FAM135B: variants seen among roughly 807,000 people sequenced by gnomAD.
The protein encoded by FAM135B is family with sequence similarity 135 member B.
In FAM135B, 43 loss-of-function variants were observed where a neutral mutation model predicts 127.7. That is an observed-to-expected ratio of 0.34 (90% CI 0.26 to 0.43). The LOEUF (loss-of-function observed/expected upper bound fraction) is 0.43, where lower values mean the gene tolerates loss of function less well. Among genes scored for constraint, FAM135B ranks in the 20% least tolerant of loss-of-function variants. The pLI is 1.00. For synonymous variants in FAM135B, 670 were observed against 665.1 expected, an observed-to-expected ratio of 1.01 and a Z score of -0.11; for missense variants, 1,558 against 1,725.6, an observed-to-expected ratio of 0.90 and a Z score of 1.72.
chr8:138,375,143 A>C (rs1831383695), intron 1 of FAM135B, among the ~76,000 whole-genome samples: 1 of 152,178 alleles, frequency 6.6e-6, no homozygotes, highest in African/African-American at 2.4e-5. Context: ...CAAAAAAAAA[A>C]CTGCACATGT....
chr8:138,391,773 A>G (rs1226217029), intron 1 of FAM135B, among the ~76,000 whole-genome samples: 3 of 152,222 alleles, frequency 2.0e-5, no homozygotes, highest in African/African-American at 7.2e-5. Context: ...AGCTCCATAC[A>G]GTAGGTATTA....
chr8:138,135,738 C>A (rs1449676867), intron 19 of FAM135B, among the ~76,000 whole-genome samples: 1 of 152,098 alleles, frequency 6.6e-6, no homozygotes, highest in Non-Finnish European at 1.5e-5. Flanking sequence ...TCTTTCATCA[C>A]ATAATAACTA....
At chr8:138,469,770 A>G (rs180744655) in intron 1 of FAM135B, among the ~76,000 whole-genome samples, 40 of 152,330 alleles carry the variant, frequency 2.6e-4, no homozygotes, top group African/African-American at 9.1e-4. Flanking sequence ...TGGGGAGAAG[A>G]AGGGCTGGGG....
chr8:138,167,032 T>C (rs1819996108), intron 12 of FAM135B, among the ~76,000 whole-genome samples: 1 of 151,996 alleles, frequency 6.6e-6, no homozygotes, highest in African/African-American at 2.4e-5. Context: ...ACACTCACTC[T>C]GACCAGGATG....
chr8:138,262,212 A>G (rs192608090), intron 4 of FAM135B, among the ~76,000 whole-genome samples: 25 of 152,314 alleles, frequency 1.6e-4, no homozygotes, highest in Non-Finnish European at 3.2e-4. Context: ...TCAAACTTGA[A>G]GGCTTTAAAT....
At chr8:138,348,352 C>T (rs1829556252) in intron 2 of FAM135B, among the ~76,000 whole-genome samples, 1 of 152,006 alleles carries the variant, frequency 6.6e-6, no homozygotes, top group Non-Finnish European at 1.5e-5. Context: ...GCAGGCTGGT[C>T]TCGAACTCCT....
intron 2 of FAM135B, among the ~76,000 whole-genome samples, chr8:138,361,191 G>T (rs960452249): frequency 6.6e-6 from 1 of 152,080 alleles, no homozygotes; most frequent in Non-Finnish European, 1.5e-5. Context: ...GCCTCCCAAA[G>T]CTGGGATTAC....
At chr8:138,435,922 A>C (rs927734573) in intron 1 of FAM135B, among the ~76,000 whole-genome samples, 2 of 152,192 alleles carry the variant, frequency 1.3e-5, no homozygotes, top group Admixed American at 1.3e-4. Flanking sequence ...TGGATTTAGC[A>C]GATATTTCAA....
rs71532161 is a variant in FAM135B, at chr8:138,132,523, T to C, written c.*70A>G. 51,862 of 1,326,108 alleles carry C rather than the reference T, an allele frequency of 0.039. 1,364 individuals are homozygous for C. Among genetic ancestry groups the C allele is most frequent in the Non-Finnish European group, 0.044 (41,256 of 927,450 alleles). 82.1% of individuals were successfully genotyped at this position (1,326,108 alleles called of 1,614,324 possible). On this transcript the variant is annotated 3_prime_UTR_variant, in exon 20 of 20. Transcript: ENST00000395297. The surrounding 1 kb of genome is among the most constrained non-coding windows in gnomAD (Gnocchi z 4.5). ...CTTCATTCTGAAATGGTGAGGTCTG[T>C]AAAAGCAGGTCTCAGCTAAAGCTCT...
intron 1 of FAM135B, chr8:138,441,008 C>G (rs189655957): frequency 6.6e-6 from 1 of 152,234 alleles, no homozygotes; most frequent in African/African-American, 2.4e-5. Flanking sequence ...CAGTTAGCGC[C>G]TGCACCAAGA....
rs1021855234 is a variant in FAM135B, at chr8:138,151,672, G to C, written c.2803C>G (p.Pro935Ala). 1.9e-6 allele frequency: 3 copies of C among 1,614,020 alleles called. No individual in the cohort carries two copies. The highest frequency in any genetic ancestry group is 2.2e-5 in the East Asian group (1 of 44,884). ...EVEGLSQHQV[P>A]ELSCTSAADA... is the part of the protein sequence containing the mutation. The stretch of plus-strand genomic sequence containing the variant: ...GCAGCTGACGTACAGCTCAATTCAG[G>C]CACCTGATGTTGAGAGAGACCCTCA... Residue 935 changes from proline (P) to alanine (A), a missense_variant, in exon 13 of 20, where the codon CCT becomes GCT. Coordinates refer to ENST00000395297, the MANE Select transcript of FAM135B (RefSeq NM_015912.4).
At chr8:138,203,406 C>T (rs7387858) in intron 7 of FAM135B, among the ~76,000 whole-genome samples, 112,102 of 152,134 alleles carry the variant, frequency 0.74, 41,624 homozygotes, top group East Asian at 0.82. Context: ...ACTTTGAGCA[C>T]CTGTCAGAAC....
At chr8:138,431,768 C>T (rs1022716813) in intron 1 of FAM135B, among the ~76,000 whole-genome samples, 1 of 152,202 alleles carries the variant, frequency 6.6e-6, no homozygotes, top group Non-Finnish European at 1.5e-5. Flanking sequence ...TCTTTCCATT[C>T]TGTGGCCTTC....
At chr8:138,217,664 C>T (rs1450615992) in intron 7 of FAM135B, among the ~76,000 whole-genome samples, 1 of 152,084 alleles carries the variant, frequency 6.6e-6, no homozygotes, top group Non-Finnish European at 1.5e-5. Context: ...ATCTCCTGAC[C>T]TTGTGATCCG....
chr8:138,366,889 T>A (rs1198335548), intron 2 of FAM135B, among the ~76,000 whole-genome samples: 1 of 152,182 alleles, frequency 6.6e-6, no homozygotes, highest in Admixed American at 6.5e-5. Flanking sequence ...ATTCCAAGAC[T>A]GAACAACAGG....
intron 9 of FAM135B, among the ~76,000 whole-genome samples, chr8:138,181,018 A>C (rs992143805): frequency 6.6e-6 from 1 of 151,922 alleles, no homozygotes; most frequent in African/African-American, 2.4e-5. Flanking sequence ...AGGCAGGCGG[A>C]TCACGAGGTC....
At chr8:138,269,411 C>T (rs1823194248) in intron 3 of FAM135B, among the ~76,000 whole-genome samples, 1 of 152,198 alleles carries the variant, frequency 6.6e-6, no homozygotes, top group Admixed American at 6.5e-5. Flanking sequence ...CATGGCTCTG[C>T]CTGCATGTAG....
At chr8:138,297,052 G>C (rs910105410) in intron 3 of FAM135B, among the ~76,000 whole-genome samples, 3 of 152,118 alleles carry the variant, frequency 2.0e-5, no homozygotes, top group African/African-American at 7.2e-5. Flanking sequence ...GACCCAGCCA[G>C]GCCTGGCATC....
intron 1 of FAM135B, chr8:138,477,273 G>C (rs1276806911): frequency 6.6e-6 from 1 of 152,176 alleles, no homozygotes; most frequent in East Asian, 1.9e-4. Context: ...TGCCAGCCAG[G>C]ATCATGTAAT....
Sources: gnomAD v4.1 joint callset for allele counts (sites outside exome capture counted in the v4.1 genomes callset) on GRCh38, gnomAD v4.1.1 for gene constraint, Gnocchi (gnomAD v3.1) non-coding constraint, MANE v1.5 for transcripts, NCBI Gene and HGNC (gene_info 2026-07-23, HGNC 2026-07-21) for gene names.